EPB41L2: variants seen among roughly 807,000 people sequenced by gnomAD.
EPB41L2 encodes band 4.1-like protein 2.
EPB41L2 carries 43 observed loss-of-function variants against 113.0 expected under a neutral mutation model. The observed-to-expected ratio is 0.38, with a 90% confidence interval of 0.30 to 0.49. The LOEUF (loss-of-function observed/expected upper bound fraction) is 0.49. Ranked by LOEUF, EPB41L2 falls within the 20% of genes least tolerant of loss-of-function variation. EPB41L2 has a pLI of 0.95. For missense variants in EPB41L2, 1,147 were observed against 1,223.4 expected, an observed-to-expected ratio of 0.94 and a Z score of 0.93; for synonymous variants, 442 against 436.7, an observed-to-expected ratio of 1.01 and a Z score of -0.15.
intron 16 of EPB41L2, 73 bp from the exon 17 acceptor site, chr6:130,865,707 C>A: frequency 2.8e-6 from 4 of 1,414,156 alleles, no homozygotes; most frequent in Non-Finnish European, 3.0e-6. Context: ...ATCCCCGCCC[C>A]ATCGAATATG....
intron 12 of EPB41L2, 59 bp downstream of exon 12, chr6:130,885,035 AAC>A: frequency 1.3e-6 from 2 of 1,560,652 alleles, no homozygotes; most frequent in Non-Finnish European, 1.8e-6. Context: ...CAGAAAATAC[AAC>A]AGATACCCTC....
Position 130,839,992 on chromosome 6 carries a change from G to T in EPB41L2, c.*612C>A. On this transcript the variant is annotated 3_prime_UTR_variant, in exon 20 of 20. Coordinates refer to ENST00000337057, the MANE Select transcript of EPB41L2 (RefSeq NM_001431.4). ...AAGTCACAGGACTGGAAAGTCAAAA[G>T]GGTCCAATATAAAAAACATCCCTGT... 1 of 152,160 alleles carries T rather than the reference G, an allele frequency of 6.6e-6. No homozygotes were observed. 9.4% of individuals were successfully genotyped at this position (152,160 alleles called of 1,614,324 possible). A position where few individuals can be genotyped will look rare whatever the true frequency, so the allele number is the denominator to read the frequency against.
chr6:130,967,042 C>T (rs1395274977), intron 1 of EPB41L2, among the ~76,000 whole-genome samples: 1 of 152,136 alleles, frequency 6.6e-6, no homozygotes, highest in Non-Finnish European at 1.5e-5. Flanking sequence ...GCTTTTAGTG[C>T]AGCAACATTT....
intron 4 of EPB41L2, among the ~76,000 whole-genome samples, chr6:130,921,090 C>T (rs1802724177): frequency 6.6e-6 from 1 of 152,066 alleles, no homozygotes; most frequent in South Asian, 2.1e-4. Context: ...GCAGACATTA[C>T]CTACACAGAA....
intron 1 of EPB41L2, among the ~76,000 whole-genome samples, chr6:131,000,003 A>G (rs962858812): frequency 6.6e-6 from 1 of 152,188 alleles, no homozygotes; most frequent in Non-Finnish European, 1.5e-5. Context: ...TTTCTGAATG[A>G]ATTTACCCCT....
At chr6:130,854,130 TCTC>T (rs1779549548) in intron 19 of EPB41L2, among the ~76,000 whole-genome samples, 1 of 152,180 alleles carries the variant, frequency 6.6e-6, no homozygotes, top group African/African-American at 2.4e-5. Context: ...ATAGTTCAAG[TCTC>T]CTATTTTGTT....
At chr6:130,941,860 A>G (rs777515821) in intron 3 of EPB41L2, among the ~76,000 whole-genome samples, 3 of 152,232 alleles carry the variant, frequency 2.0e-5, no homozygotes, top group Admixed American at 6.5e-5. Flanking sequence ...TATAAGAGTC[A>G]AAACAAAATA....
chr6:131,033,250 G>A (rs975029267), intron 1 of EPB41L2, among the ~76,000 whole-genome samples: 3 of 152,036 alleles, frequency 2.0e-5, no homozygotes, highest in Admixed American at 6.5e-5. Context: ...AAAGAAAGAA[G>A]GGAGGGAGGG....
chr6:130,926,631 A>G lies in EPB41L2; in HGVS notation c.784T>C (p.Leu262=), dbSNP rs41285330. Residue 262 remains leucine, a synonymous_variant, in exon 4 of 20, where the codon TTG becomes CTG. Transcript: ENST00000337057. ...NLLEKDYFGL[L]FQESPEQKNW... is the part of the protein sequence containing the mutation. Reference sequence around the variant, plus strand: ...TTCTGCTCAGGGCTTTCCTGAAACAAAAGTCCAAAGTAGTCTTTCTCCAAG... The same window carrying G: ...TTCTGCTCAGGGCTTTCCTGAAACAGAAGTCCAAAGTAGTCTTTCTCCAAG... 5.0e-6 allele frequency: 8 copies of G among 1,608,582 alleles called. No homozygotes were observed. The South Asian group carries it at 5.6e-5, about 11-fold the overall frequency.
At position 130,999,802 on chromosome 6, in the gene EPB41L2, T is replaced by C. The variant is rs945419436; in HGVS notation, c.-14-43303A>G. On this transcript the variant is annotated intron_variant, in intron 1 of 19. Coordinates refer to ENST00000337057, the MANE Select transcript of EPB41L2 (RefSeq NM_001431.4). ...AAATAACTTAGCCAACCCTTTATTA[T>C]GCAGATATTAGAGAATCAAAGAAAT... 2.0e-5 allele frequency among the ~76,000 whole-genome samples: 3 copies of C among 152,342 alleles called. No individual in the cohort carries two copies. In the East Asian group the frequency reaches 5.8e-4, roughly 29 times the overall value.
Position 130,871,228 on chromosome 6 carries a change from G to C in EPB41L2, c.2044-1102C>G, listed in dbSNP as rs145476983. Among the ~76,000 whole-genome samples the C allele has an allele frequency of 8.5e-5, 13 of 152,142 alleles. No individual in the cohort carries two copies. In the East Asian group the frequency reaches 2.3e-3, roughly 27 times the overall value. On this transcript the variant is annotated intron_variant, in intron 14 of 19. Transcript: ENST00000337057. ...AGGGTGGAAACCTTTTTGTACAGAG[G>C]GGTTTTTAAAGCTTCACATTTTTCT...
intron 14 of EPB41L2, among the ~76,000 whole-genome samples, chr6:130,877,687 C>T (rs1436851976): frequency 1.3e-5 from 2 of 152,090 alleles, no homozygotes; most frequent in Non-Finnish European, 2.9e-5. Flanking sequence ...ATTTTCCTCA[C>T]AGTAATAACT....
At chr6:131,054,173 C>A (rs1797168352) in intron 1 of EPB41L2, among the ~76,000 whole-genome samples, 1 of 152,228 alleles carries the variant, frequency 6.6e-6, no homozygotes, top group African/African-American at 2.4e-5. Flanking sequence ...TCTTCCATTC[C>A]ATGGTCGCAC....
At chr6:130,996,678 C>G (rs1456316677) in intron 1 of EPB41L2, among the ~76,000 whole-genome samples, 1 of 152,186 alleles carries the variant, frequency 6.6e-6, no homozygotes, top group Non-Finnish European at 1.5e-5. Flanking sequence ...ATGCATCACC[C>G]TATTTTGCAA....
rs1661209456 is a variant in EPB41L2 at position 130,867,534 on chromosome 6, T to C, written c.2655A>G (p.Gln885=). The C allele has an allele frequency of 6.2e-7, 1 of 1,613,842 alleles. No homozygotes were observed. Among genetic ancestry groups the C allele is most frequent in the Non-Finnish European group, 8.5e-7 (1 of 1,179,900 alleles). ...CTTCCTTGGTGGAGATTTCTGTCCT[T>C]TGTGAGGCATCAGAAATTGTTACCA... The part of the protein sequence containing the change: ...TEMVTISDAS[Q]RTEISTKEVP... The change falls in exon 16 of 20, where the codon CAA becomes CAG. Residue 885 remains glutamine (Q), a synonymous_variant. Coordinates refer to ENST00000337057, the MANE Select transcript of EPB41L2 (RefSeq NM_001431.4).
chr6:130,907,032 G>A (rs1797934671), intron 5 of EPB41L2, among the ~76,000 whole-genome samples: 1 of 151,984 alleles, frequency 6.6e-6, no homozygotes, highest in South Asian at 2.1e-4. Flanking sequence ...CAAGAGGTTT[G>A]GCTTCCAAAA....
At chr6:130,921,393 A>G (rs1057332591) in intron 4 of EPB41L2, among the ~76,000 whole-genome samples, 11 of 151,940 alleles carry the variant, frequency 7.2e-5, no homozygotes, top group African/African-American at 1.5e-4. Flanking sequence ...TCCCAAATTA[A>G]CCCATGATCT....
At chr6:130,849,344 T>A (rs974473875) in intron 19 of EPB41L2, among the ~76,000 whole-genome samples, 3 of 152,226 alleles carry the variant, frequency 2.0e-5, no homozygotes, top group Admixed American at 2.0e-4. Context: ...AACAAAACTG[T>A]GGATATGGCC....
At chr6:130,991,285 A>G (rs1781805288) in intron 1 of EPB41L2, among the ~76,000 whole-genome samples, 1 of 152,190 alleles carries the variant, frequency 6.6e-6, no homozygotes, top group Admixed American at 6.5e-5. Flanking sequence ...CCTCTTCCAC[A>G]CACACAAAAC....
Sources: gnomAD v4.1 joint callset for allele counts (sites outside exome capture counted in the v4.1 genomes callset) on GRCh38, gnomAD v4.1.1 for gene constraint, MANE v1.5 for transcripts, NCBI Gene and HGNC (gene_info 2026-07-23, HGNC 2026-07-21) for gene names.